CEP89: variants seen among roughly 807,000 people sequenced by gnomAD.
CEP89 encodes the protein centrosomal protein 89.
CEP89 carries 95 observed loss-of-function variants against 97.6 expected under a neutral mutation model. That is an observed-to-expected ratio of 0.97 (90% confidence interval 0.82 to 1.15). The LOEUF (loss-of-function observed/expected upper bound fraction) is 1.15. Among genes scored for constraint, CEP89 ranks in the 50% most tolerant of loss-of-function variants. CEP89 has a pLI of 0.00. For synonymous variants in CEP89, 354 were observed against 349.1 expected (o/e 1.01, Z -0.16); for missense variants, 869 against 947.7 (o/e 0.92, Z 1.09).
chr19:32,894,417 G>A (rs1969596350), intron 16 of CEP89, among the ~76,000 whole-genome samples: 1 of 151,952 alleles, frequency 6.6e-6, no homozygotes, highest in African/African-American at 2.4e-5. Flanking sequence ...TATGGCCTAG[G>A]AAAAAGAACA....
intron 8 of CEP89, 129 bp from the exon 9 acceptor site, chr19:32,931,700 G>C: frequency 1.5e-6 from 1 of 654,018 alleles, no homozygotes; most frequent in Non-Finnish European, 2.5e-6. Context: ...GTGTGCGTGT[G>C]TGTCTGTGTG....
chr19:32,915,475 GT>G lies in CEP89; in HGVS notation c.1426del (p.Thr476ProfsTer42), dbSNP rs1568558060. 6.2e-7 allele frequency: 1 copy of G among 1,612,628 alleles called. No individual in the cohort carries two copies. Among genetic ancestry groups the G allele is most frequent in the South Asian group, 1.1e-5 (1 of 90,442 alleles). On this transcript the variant is annotated frameshift_variant, in exon 14 of 19. Coordinates refer to ENST00000305768, the MANE Select transcript of CEP89 (RefSeq NM_032816.5). LOFTEE classifies it high-confidence loss of function. ...TKQLMLLEAKTHGQEKELAEN... is the reference protein window; with the variant it reads ...TKQLMLLEAKXHGQEKELAEN... ...CGCCAGCTCCTTTTCCTGGCCGTGG[GT>G]TTTTGCCTCCAGGAGCATTAGTTGT...
chr19:32,968,897 T>G (rs2060167287), intron 1 of CEP89: 1 of 152,138 alleles, frequency 6.6e-6, no homozygotes, highest in African/African-American at 2.4e-5. Context: ...AAGAATGAGG[T>G]ACACAGACAA....
At chr19:32,900,183 T>C (rs1237009853) in intron 15 of CEP89, among the ~76,000 whole-genome samples, 185 bp from the exon 16 acceptor site, 3 of 151,990 alleles carry the variant, frequency 2.0e-5, no homozygotes, top group African/African-American at 7.3e-5. Context: ...AAACCAAGCA[T>C]AATTAGTGAC....
chr19:32,938,829 G>C (rs1337711360), intron 6 of CEP89, among the ~76,000 whole-genome samples: 1 of 152,010 alleles, frequency 6.6e-6, no homozygotes, highest in Non-Finnish European at 1.5e-5. Flanking sequence ...ATGCACCTGT[G>C]GTCCTAGCTA....
intron 9 of CEP89, among the ~76,000 whole-genome samples, chr19:32,931,010 T>G (rs1970461954): frequency 6.6e-6 from 1 of 152,090 alleles, no homozygotes; most frequent in Non-Finnish European, 1.5e-5. Flanking sequence ...CTCAGCCTCC[T>G]GAGTAGCTGG....
intron 14 of CEP89, 55 bp from the exon 15 acceptor site, chr19:32,901,467 G>A: frequency 6.4e-7 from 1 of 1,558,606 alleles, no homozygotes; most frequent in Non-Finnish European, 8.7e-7. Context: ...CTAAAATGGG[G>A]CAGTCACATA....
intron 5 of CEP89, among the ~76,000 whole-genome samples, chr19:32,946,561 T>C (rs1340934455): frequency 6.6e-6 from 1 of 152,238 alleles, no homozygotes. Context: ...CTTTATGATA[T>C]GGTCTGGCTG....
chr19:32,918,102 T>C lies in CEP89; in HGVS notation c.1384+122A>G, dbSNP rs1199174903. ...AAGGTTATAAACAGCCACATTCCAG[T>C]CAAAAATGCAAAACATGACTTCTCT... On this transcript the variant is annotated intron_variant, in intron 13 of 18. Transcript: ENST00000305768. 4 of 785,864 alleles carry C rather than the reference T, an allele frequency of 5.1e-6. No individual in the cohort carries two copies. In the African/African-American group the frequency reaches 6.9e-5, roughly 14 times the overall value. The allele number at this position is 785,864 out of a possible 1,614,324, so 48.7% of individuals were successfully genotyped here.
At position 32,933,504 on chromosome 19, in the gene CEP89, A is replaced by G. The variant is rs1181947074; in HGVS notation, c.833T>C (p.Met278Thr). 2.5e-6 allele frequency: 4 copies of G among 1,613,806 alleles called. No individual in the cohort carries two copies. The African/African-American group carries it at 5.3e-5, about 22-fold the overall frequency. ...TTTGAGCTTTCTCTTCTCTTTTTCC[A>G]TTCCCTTAAGTTTTAACTGTAGTTC... is the stretch of plus-strand genomic sequence containing the variant. Reference protein sequence around the residue: ...MKELQLKLKGMEKEKRKLKEA... With the variant: ...MKELQLKLKGTEKEKRKLKEA... Residue 278 changes from methionine (M) to threonine (T), a missense_variant, in exon 8 of 19, where the codon ATG (methionine) becomes ACG (threonine). Physicochemically the swap from Met to Thr is moderately conservative, Grantham distance 81. Transcript: ENST00000305768.
At chr19:32,937,602 A>C (rs1255320660) in intron 7 of CEP89, 29 bp downstream of exon 7, 1 of 1,515,922 alleles carries the variant, frequency 6.6e-7, no homozygotes. Flanking sequence ...CAAGCTTTTC[A>C]ATCATAATAT....
chr19:32,915,539 T>G, intron 13 of CEP89, 22 bp from the exon 14 acceptor site: 1 of 1,597,362 alleles, frequency 6.3e-7, no homozygotes, highest in South Asian at 1.1e-5. Context: ...AAGAGGAAGA[T>G]AAAAACTTGG....
At chr19:32,945,446 G>C (rs1167779637) in intron 5 of CEP89, among the ~76,000 whole-genome samples, 1 of 152,136 alleles carries the variant, frequency 6.6e-6, no homozygotes, top group African/African-American at 2.4e-5. Context: ...ACCACCACCT[G>C]TGTGCCAGGT....
In CEP89 at chr19:32,922,586, G is replaced by A. The variant is rs139736258; in HGVS notation, c.1268+853C>T. On this transcript the variant is annotated intron_variant, in intron 12 of 18. Coordinates refer to ENST00000305768, the MANE Select transcript of CEP89 (RefSeq NM_032816.5). ...AGAGACGCCAGGCGCAGTGGCTCAC[G>A]CCTATAATCCCAGCACTTTGGGAGG... 3.5e-3 allele frequency among the ~76,000 whole-genome samples: 530 copies of A among 151,892 alleles called. 7 individuals are homozygous for A. Among genetic ancestry groups the A allele is most frequent in the African/African-American group, 0.012 (510 of 41,324 alleles).
intron 14 of CEP89, among the ~76,000 whole-genome samples, chr19:32,913,363 A>T (rs10413386): frequency 0.16 from 23,680 of 149,448 alleles, 2,148 homozygotes; most frequent in Non-Finnish European, 0.21. Flanking sequence ...GCCCAGGCTG[A>T]TCTCAAACTC....
rs117503140 is a variant in CEP89, at chr19:32,917,034, G to C, written c.1384+1190C>G. Reference sequence around the variant, plus strand: ...AAAAATAAAAAGAAAATATCTAATTGGTCAAAGTGAATCGCTGTTTCTGGG... The same window carrying C: ...AAAAATAAAAAGAAAATATCTAATTCGTCAAAGTGAATCGCTGTTTCTGGG... On this transcript the variant is annotated intron_variant, in intron 13 of 18. Transcript: ENST00000305768. Among the ~76,000 whole-genome samples, 399 of 152,108 alleles carry C rather than the reference G, an allele frequency of 2.6e-3. 7 individuals carry two copies. The East Asian group carries it at 0.047, about 18-fold the overall frequency.
chr19:32,961,225 G>C (rs951730508), intron 2 of CEP89, among the ~76,000 whole-genome samples: 9 of 151,920 alleles, frequency 5.9e-5, no homozygotes, highest in African/African-American at 2.2e-4. Context: ...GGGTACTGGG[G>C]AATAATTAGC....
intron 14 of CEP89, among the ~76,000 whole-genome samples, chr19:32,907,539 C>T (rs1003567560): frequency 8.6e-5 from 13 of 151,898 alleles, no homozygotes; most frequent in Non-Finnish European, 4.4e-5. Context: ...GCAACCTCCA[C>T]CTCCTGGGTT....
At chr19:32,915,595 T>A in intron 13 of CEP89, 78 bp from the exon 14 acceptor site, 2 of 1,240,526 alleles carry the variant, frequency 1.6e-6, no homozygotes, top group Non-Finnish European at 2.3e-6. Context: ...TAGGAAATAC[T>A]AATGAGAGTC....
Sources: allele counts gnomAD v4.1 joint callset (sites outside exome capture counted in the v4.1 genomes callset), GRCh38; gene constraint gnomAD v4.1.1; transcripts MANE v1.5; gene names NCBI Gene and HGNC (gene_info 2026-07-23, HGNC 2026-07-21).